The following RUNX1 variants were observed in gnomAD, a reference collection of about 807,000 sequenced individuals.
The protein encoded by RUNX1 is RUNX family transcription factor 1, also known as runt-related transcription factor 1.
In RUNX1, 19 loss-of-function variants were observed where a neutral mutation model predicts 42.8. That is an observed-to-expected ratio of 0.44 (90% confidence interval 0.31 to 0.65). The LOEUF (loss-of-function observed/expected upper bound fraction) is 0.65, where lower values mean the gene tolerates loss of function less well. RUNX1 is among the 30% of genes least tolerant of loss of function. RUNX1 has a pLI of 0.07. For synonymous variants in RUNX1, 271 were observed against 289.4 expected, an observed-to-expected ratio of 0.94 and a Z score of 0.64; for missense variants, 528 against 672.0, an observed-to-expected ratio of 0.79 and a Z score of 2.37.
chr21:35,013,262 C>G (rs1195647477), intron 2 of RUNX1, among the ~76,000 whole-genome samples: 1 of 151,974 alleles, frequency 6.6e-6, no homozygotes, highest in African/African-American at 2.4e-5. Flanking sequence ...TGCCTTGCAG[C>G]AAAGAAAAAA....
chr21:34,878,441 G>T (rs2057849289), intron 5 of RUNX1, among the ~76,000 whole-genome samples: 2 of 151,386 alleles, frequency 1.3e-5, no homozygotes, highest in Admixed American at 6.6e-5. Flanking sequence ...AATTACAATT[G>T]GGTCAAATGT....
intron 2 of RUNX1, among the ~76,000 whole-genome samples, chr21:34,960,997 A>G (rs2058678076): frequency 6.6e-6 from 1 of 152,252 alleles, no homozygotes; most frequent in African/African-American, 2.4e-5. Flanking sequence ...GTCTTGTAGC[A>G]TAAGAAGCCG....
chr21:34,866,099 A>G (rs1424947473), intron 5 of RUNX1, among the ~76,000 whole-genome samples: 3 of 152,120 alleles, frequency 2.0e-5, no homozygotes, highest in Non-Finnish European at 4.4e-5. Flanking sequence ...AGCATGAGTC[A>G]TCTTCTTCTT....
intron 7 of RUNX1, 84 bp from the exon 8 acceptor site, chr21:34,799,546 G>T: frequency 8.2e-7 from 1 of 1,222,298 alleles, no homozygotes; most frequent in Non-Finnish European, 1.2e-6. Context: ...AGTGGCCCTT[G>T]TTCAAATATG....
intron 2 of RUNX1, among the ~76,000 whole-genome samples, chr21:35,014,939 G>A (rs1364103568): frequency 1.3e-5 from 2 of 152,212 alleles, no homozygotes; most frequent in Non-Finnish European, 2.9e-5. Flanking sequence ...TTCCCACAAG[G>A]TCTGGATAGC....
chr21:34,954,298 A>G lies in RUNX1; in HGVS notation c.59-61335T>C, dbSNP rs2058629451. On this transcript the variant is annotated intron_variant, in intron 2 of 8. Coordinates refer to ENST00000675419, the MANE Select transcript of RUNX1 (RefSeq NM_001754.5). ...AGCTGTCTTTGACTGAAGTGGGAGG[A>G]GAAAGGAGAAAAGGAGAGGGGAAAT... Among the ~76,000 whole-genome samples the G allele has an allele frequency of 2.0e-5, 3 of 152,132 alleles. No individual in the cohort carries two copies. The South Asian group carries it at 6.2e-4, about 32-fold the overall frequency.
chr21:34,838,115 T>C (rs1239137195), intron 6 of RUNX1, among the ~76,000 whole-genome samples: 1 of 152,224 alleles, frequency 6.6e-6, no homozygotes, highest in East Asian at 1.9e-4. Flanking sequence ...TTGTGACGGA[T>C]AGTGAGACCA....
intron 2 of RUNX1, among the ~76,000 whole-genome samples, chr21:34,916,848 G>T (rs1403543275): frequency 6.6e-6 from 1 of 152,160 alleles, no homozygotes; most frequent in Non-Finnish European, 1.5e-5. Flanking sequence ...GAGCTGCCAG[G>T]TCTTTCTATG....
At chr21:34,846,898 TG>T (rs1223864378) in intron 6 of RUNX1, among the ~76,000 whole-genome samples, 1 of 152,206 alleles carries the variant, frequency 6.6e-6, no homozygotes, top group African/African-American at 2.4e-5. Context: ...TCTGGAGCCT[TG>T]GAAGATTCTC....
intron 2 of RUNX1, among the ~76,000 whole-genome samples, chr21:34,910,690 G>C (rs1383335772): frequency 6.6e-6 from 1 of 152,180 alleles, no homozygotes; most frequent in Non-Finnish European, 1.5e-5. Context: ...CCAGGACCAT[G>C]TCCAGGGCGG....
chr21:34,903,456 A>G (rs11701792), intron 2 of RUNX1, among the ~76,000 whole-genome samples: 4,421 of 152,298 alleles, frequency 0.029, 99 homozygotes, highest in Middle Eastern at 0.061. Flanking sequence ...CATATAGACT[A>G]TAGAGAAATT....
intron 2 of RUNX1, among the ~76,000 whole-genome samples, chr21:35,026,015 A>G (rs893862873): frequency 7.2e-5 from 11 of 151,966 alleles, no homozygotes; most frequent in African/African-American, 2.2e-4. Flanking sequence ...AGAGGCCCCA[A>G]CAATGATGGA....
At chr21:34,985,475 A>G (rs1475188635) in intron 2 of RUNX1, among the ~76,000 whole-genome samples, 1 of 152,228 alleles carries the variant, frequency 6.6e-6, no homozygotes, top group Non-Finnish European at 1.5e-5. Flanking sequence ...TGGATGGAAG[A>G]ACATTCCAGA....
chr21:35,012,150 G>A (rs2059130629), intron 2 of RUNX1, among the ~76,000 whole-genome samples: 1 of 152,128 alleles, frequency 6.6e-6, no homozygotes, highest in Non-Finnish European at 1.5e-5. Flanking sequence ...AATTTAATAG[G>A]CAAGTTTAAA....
intron 5 of RUNX1, among the ~76,000 whole-genome samples, chr21:34,873,384 G>A (rs2057767979): frequency 6.6e-6 from 1 of 152,186 alleles, no homozygotes; most frequent in African/African-American, 2.4e-5. Context: ...GGGGGAGGTG[G>A]GGTAGTTCTG....
At chr21:34,880,535 A>C in intron 5 of RUNX1, 22 bp downstream of exon 5, 1 of 1,613,474 alleles carries the variant, frequency 6.2e-7, no homozygotes, top group African/African-American at 1.3e-5. Flanking sequence ...TGTTTCAAGC[A>C]TAGTTTTGAC....
rs2146041793 is a variant in RUNX1, at chr21:34,829,119, G to A, written c.805+5291C>T. Among the ~76,000 whole-genome samples, 2 of 152,270 alleles carry A rather than the reference G, an allele frequency of 1.3e-5. 1 individual carries two copies. The highest frequency in any genetic ancestry group is 4.1e-4 in the South Asian group (2 of 4,832). ...TGCCAAAAGTCCTATAGTGAATGTG[G>A]TAGAAACTAAGGTAGTCTGCCTGTT... is the stretch of plus-strand genomic sequence containing the variant. On this transcript the variant is annotated intron_variant, in intron 7 of 8. Coordinates refer to ENST00000675419, the MANE Select transcript of RUNX1 (RefSeq NM_001754.5).
chr21:35,041,775 A>G (rs528668762), intron 2 of RUNX1, among the ~76,000 whole-genome samples: 2 of 152,254 alleles, frequency 1.3e-5, no homozygotes, highest in African/African-American at 2.4e-5. Flanking sequence ...TGTAACTTGC[A>G]GAAATTCAAT....
intron 6 of RUNX1, among the ~76,000 whole-genome samples, chr21:34,846,480 T>C (rs1383723222): frequency 6.6e-6 from 1 of 152,024 alleles, no homozygotes. Flanking sequence ...CCTACAACCA[T>C]CAAATCAAAC....
Sources: gnomAD v4.1 joint callset for allele counts (sites outside exome capture counted in the v4.1 genomes callset) on GRCh38, gnomAD v4.1.1 for gene constraint, MANE v1.5 for transcripts, NCBI Gene and HGNC (gene_info 2026-07-23, HGNC 2026-07-21) for gene names.